Variants in KHDRBS2 observed in about 807,000 individuals in gnomAD.
The protein encoded by KHDRBS2 is KH domain-containing, RNA-binding, signal transduction-associated protein 2.
In KHDRBS2, 26 loss-of-function variants were observed where a neutral mutation model predicts 44.3. The observed-to-expected ratio is 0.59, with a 90% CI of 0.43 to 0.81. The LOEUF (loss-of-function observed/expected upper bound fraction) is 0.81, where lower values mean the gene tolerates loss of function less well. KHDRBS2 is among the 40% of genes least tolerant of loss of function. The pLI, the probability that KHDRBS2 is intolerant of heterozygous loss-of-function variation, is 0.00. For missense variants in KHDRBS2, 476 were observed against 433.1 expected (o/e 1.10, Z -0.88); for synonymous variants, 194 against 151.1 (o/e 1.28, Z -2.08).
the KHDRBS2 span, among the ~76,000 whole-genome samples, chr6:61,645,225 T>C: frequency 1.3e-5 from 2 of 151,840 alleles, no homozygotes; most frequent in African/African-American, 2.4e-5. Context: ...GAAAATGAAA[T>C]ATCACATGTT....
At position 61,859,745 on chromosome 6, in the gene KHDRBS2, G is replaced by T. The variant is rs142506407; in HGVS notation, c.810+34890C>A. Among the ~76,000 whole-genome samples, 534 of 152,046 alleles carry T rather than the reference G, an allele frequency of 3.5e-3. 4 individuals carry two copies. Among genetic ancestry groups the T allele is most frequent in the Middle Eastern group, 0.014 (4 of 294 alleles). On this transcript the variant is annotated intron_variant, in intron 6 of 8. Coordinates refer to ENST00000281156, the MANE Select transcript of KHDRBS2 (RefSeq NM_152688.4). Reference sequence around the variant, plus strand: ...TGCAAGTGTGCGTATCAAAATGACAGAAGTGATATATGTATATTTAACATA... The same window carrying T: ...TGCAAGTGTGCGTATCAAAATGACATAAGTGATATATGTATATTTAACATA...
intron 3 of KHDRBS2, among the ~76,000 whole-genome samples, chr6:62,039,814 T>G (rs1318620355): frequency 4.6e-5 from 7 of 152,118 alleles, no homozygotes; most frequent in Non-Finnish European, 7.4e-5. Context: ...TAGTGCCATT[T>G]ACTTTCGCTT....
At chr6:62,033,689 CAT>C (rs530327532) in intron 3 of KHDRBS2, among the ~76,000 whole-genome samples, 3 of 149,010 alleles carry the variant, frequency 2.0e-5, no homozygotes, top group Admixed American at 6.7e-5. Context: ...TTATATATGC[CAT>C]ATATATATAT....
At chr6:61,701,126 G>A (rs1768588475) in intron 7 of KHDRBS2, among the ~76,000 whole-genome samples, 1 of 151,922 alleles carries the variant, frequency 6.6e-6, no homozygotes, top group Admixed American at 6.6e-5. Flanking sequence ...TGACAACTTG[G>A]AAAGCAGGCT....
At chr6:62,084,529 T>C (rs1384155112) in intron 2 of KHDRBS2, among the ~76,000 whole-genome samples, 1 of 152,272 alleles carries the variant, frequency 6.6e-6, no homozygotes, top group East Asian at 1.9e-4. Flanking sequence ...AGAGGAACAA[T>C]AGATAGCCAG....
At chr6:61,944,794 G>GT (rs773966745) in intron 4 of KHDRBS2, among the ~76,000 whole-genome samples, 20 of 151,666 alleles carry the variant, frequency 1.3e-4, no homozygotes, top group Non-Finnish European at 2.2e-4. Flanking sequence ...TTACGTATCA[G>GT]TAAAAAACAT....
At chr6:62,255,432 G>A (rs1396332958) in intron 1 of KHDRBS2, among the ~76,000 whole-genome samples, 1 of 151,998 alleles carries the variant, frequency 6.6e-6, no homozygotes, top group Non-Finnish European at 1.5e-5. Context: ...AGATACTATT[G>A]CTATCTCCAT....
At chr6:62,187,982 C>T (rs763807013) in intron 1 of KHDRBS2, among the ~76,000 whole-genome samples, 18 of 151,548 alleles carry the variant, frequency 1.2e-4, no homozygotes, top group South Asian at 2.1e-4. Context: ...TTGGTCATGG[C>T]GAAAAGGAAG....
At chr6:61,996,373 TAGAA>T (rs1337594657) in intron 3 of KHDRBS2, among the ~76,000 whole-genome samples, 1 of 152,136 alleles carries the variant, frequency 6.6e-6, no homozygotes, top group Non-Finnish European at 1.5e-5. Context: ...AAGAGACAAA[TAGAA>T]AAATAAAACA....
intron 3 of KHDRBS2, among the ~76,000 whole-genome samples, chr6:61,990,266 G>T (rs1423376045): frequency 2.0e-5 from 3 of 152,152 alleles, no homozygotes; most frequent in Admixed American, 1.3e-4. Flanking sequence ...GCAAAATAAA[G>T]CCATGAATTA....
chr6:61,710,836 C>T (rs1315352616), intron 7 of KHDRBS2, among the ~76,000 whole-genome samples: 1 of 131,568 alleles, frequency 7.6e-6, no homozygotes, highest in Admixed American at 8.2e-5. Context: ...TTCTTTATCA[C>T]AATGGTTTTT....
intron 2 of KHDRBS2, among the ~76,000 whole-genome samples, chr6:62,089,034 CCTACT>C (rs1798974145): frequency 6.6e-6 from 1 of 152,096 alleles, no homozygotes; most frequent in Non-Finnish European, 1.5e-5. Context: ...GGGAAAACCA[CCTACT>C]CAAGCCTCAG....
At chr6:61,582,914 G>A in the KHDRBS2 span, among the ~76,000 whole-genome samples, 1 of 151,334 alleles carries the variant, frequency 6.6e-6, no homozygotes, top group African/African-American at 2.4e-5. Flanking sequence ...AATGAAAATT[G>A]GACAAAATTA....
chr6:61,561,880 C>A, the KHDRBS2 span, among the ~76,000 whole-genome samples: 80 of 152,254 alleles, frequency 5.3e-4, no homozygotes, highest in African/African-American at 1.9e-3. Context: ...CTCCCCACTC[C>A]CAACAGCCTA....
chr6:62,066,329 A>T (rs953062265), intron 2 of KHDRBS2, among the ~76,000 whole-genome samples: 1 of 151,734 alleles, frequency 6.6e-6, no homozygotes, highest in African/African-American at 2.4e-5. Flanking sequence ...ATGTGGCTGC[A>T]CAATTCCATT....
rs191449331 is a variant in KHDRBS2, at chr6:62,032,963, A to T, written c.336+14915T>A. ...GTGTTGAGGAAACTCAATGAAATTC[A>T]AGATAACACAGAAAAGGAATTCAGA... On this transcript the variant is annotated intron_variant, in intron 3 of 8. Transcript: ENST00000281156. Among the ~76,000 whole-genome samples, 21 of 152,144 alleles carry T rather than the reference A, an allele frequency of 1.4e-4. 2 individuals are homozygous for T. In the East Asian group the frequency reaches 1.9e-3, roughly 14 times the overall value.
At chr6:61,802,834 G>C (rs1291302801) in intron 6 of KHDRBS2, among the ~76,000 whole-genome samples, 1 of 152,086 alleles carries the variant, frequency 6.6e-6, no homozygotes, top group Non-Finnish European at 1.5e-5. Context: ...GCCTGAAAGG[G>C]TCACAGAGGA....
chr6:61,627,329 AC>A, the KHDRBS2 span, among the ~76,000 whole-genome samples: 1 of 150,708 alleles, frequency 6.6e-6, no homozygotes, highest in African/African-American at 2.4e-5. Context: ...AAGCCTCCAA[AC>A]CCTTGGATTT....
intron 6 of KHDRBS2, among the ~76,000 whole-genome samples, chr6:61,752,458 C>T (rs1245938704): frequency 6.6e-6 from 1 of 152,046 alleles, no homozygotes; most frequent in Non-Finnish European, 1.5e-5. Context: ...ATCTGCTTTT[C>T]TCTAAGCTCA....
Sources: allele counts gnomAD v4.1 joint callset (sites outside exome capture counted in the v4.1 genomes callset), GRCh38; gene constraint gnomAD v4.1.1; transcripts MANE v1.5; gene names NCBI Gene and HGNC (gene_info 2026-07-23, HGNC 2026-07-21).